Variants in ZNF454 observed in about 807,000 individuals in gnomAD.
The protein encoded by ZNF454 is zinc finger protein 454.
Under a neutral mutation model 48.2 loss-of-function variants are expected in ZNF454, and 30 were observed. That is an observed-to-expected ratio of 0.62 (90% confidence interval 0.47 to 0.84). The LOEUF (loss-of-function observed/expected upper bound fraction) is 0.84. Ranked by LOEUF, ZNF454 falls within the 40% of genes least tolerant of loss-of-function variation. ZNF454 has a pLI of 0.00. For synonymous variants in ZNF454, 204 were observed against 211.4 expected (o/e 0.97, Z 0.30); for missense variants, 510 against 623.1 (o/e 0.82, Z 1.93).
the ZNF454 span, chr5:178,976,051 T>C: frequency 6.9e-6 from 3 of 435,912 alleles, no homozygotes; most frequent in East Asian, 7.1e-5. Flanking sequence ...CCACTCTCTT[T>C]GCTTGGTCCC....
the ZNF454 span, among the ~76,000 whole-genome samples, chr5:178,974,312 GGTT>G: frequency 0.12 from 18,202 of 147,720 alleles, 1,671 homozygotes; most frequent in African/African-American, 0.28. Flanking sequence ...TTGTGGTTGT[GGTT>G]GTTGTTGTTG....
chr5:178,975,734 G>A, the ZNF454 span: 3 of 415,986 alleles, frequency 7.2e-6, no homozygotes, highest in South Asian at 5.0e-5. Context: ...CACCTGGCCA[G>A]GCTATGGTAC....
the ZNF454 span, chr5:178,989,359 C>T: frequency 1.2e-6 from 2 of 1,613,934 alleles, no homozygotes; most frequent in Non-Finnish European, 1.7e-6. Flanking sequence ...ACCAGATGTT[C>T]CTGCGGTTGT....
Position 178,964,644 on chromosome 5 carries a change from A to T in ZNF454, c.251-11A>T. The T allele has an allele frequency of 6.3e-7, 1 of 1,595,374 alleles. No homozygotes were observed. ...GGTAAAACAGACATTTTTATTTTTA[A>T]TGTCTTTCAGACTGGATGACTATGC... On this transcript the variant is annotated splice_polypyrimidine_tract_variant and intron_variant, in intron 4 of 4. Transcript: ENST00000519564.
At chr5:178,949,446 A>G (rs1406336649) in intron 4 of ZNF454, among the ~76,000 whole-genome samples, 1 of 152,010 alleles carries the variant, frequency 6.6e-6, no homozygotes, top group Non-Finnish European at 1.5e-5. Flanking sequence ...TAAAAAATAG[A>G]TCTATTTTGT....
chr5:178,962,584 G>C (rs1455721561), intron 4 of ZNF454, among the ~76,000 whole-genome samples: 1 of 151,446 alleles, frequency 6.6e-6, no homozygotes, highest in Non-Finnish European at 1.5e-5. Context: ...TGATTATTTG[G>C]TTCCAATTCT....
Position 178,946,501 on chromosome 5 carries a change from G to A in ZNF454, c.160+16G>A, listed in dbSNP as rs1385250440. 68 of 1,579,588 alleles carry A rather than the reference G, an allele frequency of 4.3e-5. No individual in the cohort carries two copies. Among genetic ancestry groups the A allele is most frequent in the Non-Finnish European group, 5.5e-5 (64 of 1,167,808 alleles). On this transcript the variant is annotated intron_variant, in intron 3 of 4. Coordinates refer to ENST00000519564, the MANE Select transcript of ZNF454 (RefSeq NM_001178089.3). This position sits in a 1 kb window ranked among gnomAD's most constrained non-coding sequence, Gnocchi z 4.5. ...GTCTCACTGGGTAAGTGGGACCCCT[G>A]CAAGGTTTCTCTTCACTTTTGGGGA...
In ZNF454 at chr5:178,965,927, C is replaced by T. The variant is rs779140808; in HGVS notation, c.1523C>T (p.Thr508Ile). The change falls in exon 5 of 5, where the codon ACT becomes ATT. Residue 508 changes from threonine to isoleucine, a missense_variant. This residue lies in a region of ZNF454 where 153 missense variants were observed against 195.8 expected (regional missense o/e 0.78). Coordinates refer to ENST00000519564, the MANE Select transcript of ZNF454 (RefSeq NM_001178089.3). The surrounding 1 kb of genome is among the most constrained non-coding windows in gnomAD (Gnocchi z 5.2). ...CNKCGKAFNQ[T>I]ANLIQHQRHH... Reference sequence around the variant, plus strand: ...AAATGTGGGAAAGCTTTTAACCAGACTGCAAACCTCATTCAGCATCAGAGA... The same window carrying T: ...AAATGTGGGAAAGCTTTTAACCAGATTGCAAACCTCATTCAGCATCAGAGA... The T allele has an allele frequency of 1.9e-6, 3 of 1,602,182 alleles. No homozygotes were observed. The East Asian group carries it at 6.7e-5, about 36-fold the overall frequency.
At chr5:178,970,530 C>T (rs961706296), downstream of ZNF454, among the ~76,000 whole-genome samples, 2 of 152,076 alleles carry the variant, frequency 1.3e-5, no homozygotes, top group African/African-American at 4.8e-5. Context: ...CCCTGTGTAC[C>T]ACATGTCACT....
chr5:178,987,856 TTCAAGCAATTC>T, the ZNF454 span, among the ~76,000 whole-genome samples: 16 of 149,574 alleles, frequency 1.1e-4, no homozygotes, highest in Admixed American at 4.7e-4. Flanking sequence ...GCCTCCCGGG[TTCAAGCAATTC>T]TCCTGTCTCA....
the ZNF454 span, chr5:178,983,466 C>T: frequency 1.5e-6 from 1 of 685,630 alleles, no homozygotes; most frequent in African/African-American, 1.8e-5. Context: ...AAGGGCTGTG[C>T]CGCCCGTATA....
intron 4 of ZNF454, among the ~76,000 whole-genome samples, chr5:178,959,338 T>C (rs1263438138): frequency 6.6e-6 from 1 of 152,230 alleles, no homozygotes; most frequent in Non-Finnish European, 1.5e-5. Flanking sequence ...TGCATACAGA[T>C]TTGTTTCTGG....
At chr5:178,952,039 GT>G (rs1230428854) in intron 4 of ZNF454, among the ~76,000 whole-genome samples, 4,130 of 137,504 alleles carry the variant, frequency 0.03, 47 homozygotes, top group South Asian at 0.066. Context: ...TGAACATCTT[GT>G]TTTTTTTTTT....
intron 4 of ZNF454, among the ~76,000 whole-genome samples, chr5:178,953,506 T>G (rs1759633256): frequency 6.6e-6 from 1 of 152,158 alleles, no homozygotes; most frequent in Non-Finnish European, 1.5e-5. Flanking sequence ...GAGAATCCCC[T>G]TCTATCCTTG....
At chr5:178,942,236 C>A (rs1250086230) in intron 1 of ZNF454, among the ~76,000 whole-genome samples, 3 of 152,144 alleles carry the variant, frequency 2.0e-5, no homozygotes, top group Non-Finnish European at 4.4e-5. Context: ...AAATCCCGGT[C>A]TCTACTAAAA....
chr5:178,989,735 C>G, the ZNF454 span: 2 of 418,180 alleles, frequency 4.8e-6, no homozygotes, highest in Non-Finnish European at 9.0e-6. Context: ...CCTGCTCCTT[C>G]TTTCCTGTTA....
At position 178,965,668 on chromosome 5, in the gene ZNF454, C is replaced by A. The variant is rs114087315; in HGVS notation, c.1264C>A (p.Arg422=). 2.2e-4 allele frequency: 352 copies of A among 1,613,916 alleles called. 1 individual carries two copies. The African/African-American group carries it at 4.2e-3, about 19-fold the overall frequency. Residue 422 remains arginine, a synonymous_variant, in exon 5 of 5, where the codon CGG becomes AGG. Transcript: ENST00000519564. The surrounding 1 kb of genome is among the most constrained non-coding windows in gnomAD (Gnocchi z 5.2). ...YRCGLCEKAF[R]DQSALAQHQR... ...ATGTGGCTTGTGTGAGAAAGCCTTTCGGGACCAATCAGCACTAGCCCAACA... is the reference window on the plus strand; with the variant it reads ...ATGTGGCTTGTGTGAGAAAGCCTTTAGGGACCAATCAGCACTAGCCCAACA...
the ZNF454 span, chr5:178,982,766 A>G: frequency 1.5e-6 from 1 of 661,302 alleles, no homozygotes; most frequent in African/African-American, 1.8e-5. Context: ...GAATGAATGA[A>G]CAAAGTAAGA....
the ZNF454 span, chr5:178,985,618 G>A: frequency 6.1e-5 from 22 of 363,258 alleles, no homozygotes; most frequent in Middle Eastern, 5.3e-4. Context: ...CAGGAGAATG[G>A]CGTGAACCCG....
Sources: allele counts gnomAD v4.1 joint callset (sites outside exome capture counted in the v4.1 genomes callset), GRCh38; gene constraint gnomAD v4.1.1; regional missense constraint gnomAD v4.1.1; non-coding constraint Gnocchi (gnomAD v3.1); transcripts MANE v1.5; gene names NCBI Gene and HGNC (gene_info 2026-07-23, HGNC 2026-07-21).